Variants in C3orf22 observed in about 807,000 individuals in gnomAD.
The protein encoded by C3orf22 is chromosome 3 open reading frame 22.
Under a neutral mutation model 10.8 loss-of-function variants are expected in C3orf22, and 7 were observed. That is an observed-to-expected ratio of 0.65 (90% CI 0.37 to 1.22). The LOEUF (loss-of-function observed/expected upper bound fraction) is 1.22, where lower values mean the gene tolerates loss of function less well. Ranked by LOEUF, C3orf22 falls within the 50% of genes most tolerant of loss-of-function variation. The probability of loss-of-function intolerance (pLI) is 0.02; values close to 1 mark genes in which losing one functional copy is unlikely to be tolerated. For synonymous variants in C3orf22, 79 were observed against 78.9 expected (o/e 1.00, Z 0.00); for missense variants, 173 against 177.0 (o/e 0.98, Z 0.13).
chr3:126,528,159 A>T (rs1032182872), intron 5 of C3orf22, among the ~76,000 whole-genome samples: 2 of 151,574 alleles, frequency 1.3e-5, no homozygotes, highest in African/African-American at 4.9e-5. Flanking sequence ...TGGGTCCTTG[A>T]GAGAGAATGG....
chr3:126,551,999 T>A lies in C3orf22; in HGVS notation c.213A>T (p.Arg71=). 1.2e-6 allele frequency: 2 copies of A among 1,608,604 alleles called. No homozygotes were observed. Among genetic ancestry groups the A allele is most frequent in the African/African-American group, 1.3e-5 (1 of 74,750 alleles). Residue 71 remains arginine (R), a splice_region_variant and synonymous_variant, in exon 3 of 4, where the codon CGA becomes CGT. Coordinates refer to ENST00000318225, the MANE Select transcript of C3orf22 (RefSeq NM_152533.3). ...RLVPTRSIPV[R]GLGAPDFTSP... ...GTGGCATCAGGGCAGGGACTTACCC[T>A]CGGACTGGGATGGACCTCGTTGGCA...
intron 4 of C3orf22, among the ~76,000 whole-genome samples, chr3:126,539,473 G>GCA (rs761229262): frequency 9.3e-5 from 13 of 140,390 alleles, no homozygotes; most frequent in African/African-American, 1.6e-4. Context: ...CACACACACT[G>GCA]CACACACACA....
intron 4 of C3orf22, among the ~76,000 whole-genome samples, chr3:126,538,297 T>C (rs961522915): frequency 1.3e-5 from 2 of 152,202 alleles, no homozygotes; most frequent in African/African-American, 2.4e-5. Context: ...CTCCTGACTA[T>C]AAGAGGACTG....
At chr3:126,557,395 G>C (rs556115348) in intron 1 of C3orf22, among the ~76,000 whole-genome samples, 1 of 152,240 alleles carries the variant, frequency 6.6e-6, no homozygotes, top group African/African-American at 2.4e-5. Context: ...TGGGGAACAC[G>C]GGTAGCCCTT....
chr3:126,539,850 CA>C (rs1560142655), intron 4 of C3orf22, among the ~76,000 whole-genome samples: 7 of 1,520 alleles, frequency 4.6e-3, no homozygotes, highest in Admixed American at 9.8e-3. Context: ...ACACACATCA[CA>C]CACACACACC....
At chr3:126,536,800 A>T (rs1382830398) in intron 4 of C3orf22, among the ~76,000 whole-genome samples, 1 of 151,402 alleles carries the variant, frequency 6.6e-6, no homozygotes, top group African/African-American at 2.4e-5. Context: ...GCCTGCAGGG[A>T]CCACACACAA....
At chr3:126,540,514 G>C (rs565694598) in intron 4 of C3orf22, among the ~76,000 whole-genome samples, 9 of 152,134 alleles carry the variant, frequency 5.9e-5, no homozygotes, top group Non-Finnish European at 1.3e-4. Flanking sequence ...TGTACTATTC[G>C]CTTGGCATAA....
At chr3:126,543,706 G>C (rs188757684) in intron 4 of C3orf22, among the ~76,000 whole-genome samples, 18 of 151,486 alleles carry the variant, frequency 1.2e-4, no homozygotes, top group African/African-American at 4.4e-4. Flanking sequence ...GTATATGAGT[G>C]TAAGAGTGTG....
At chr3:126,535,527 C>T (rs1181708379) in intron 4 of C3orf22, among the ~76,000 whole-genome samples, 1 of 120,626 alleles carries the variant, frequency 8.3e-6, no homozygotes, top group Non-Finnish European at 1.7e-5. Context: ...AGCCGGGAGA[C>T]ACACAGACAG....
chr3:126,527,629 G>T (rs578205953), exon 6 of C3orf22: 1 of 152,356 alleles, frequency 6.6e-6, no homozygotes, highest in Non-Finnish European at 1.5e-5. Context: ...TATCCCAGCA[G>T]GTGGTGGAGG....
downstream of C3orf22, among the ~76,000 whole-genome samples, chr3:126,545,566 G>T (rs1023390082): frequency 1.3e-5 from 2 of 152,232 alleles, no homozygotes; most frequent in African/African-American, 2.4e-5. Context: ...ACAGCGAGAT[G>T]TAATGCATTA....
At chr3:126,529,989 C>T (rs1317816718) in intron 4 of C3orf22, among the ~76,000 whole-genome samples, 2 of 152,354 alleles carry the variant, frequency 1.3e-5, no homozygotes, top group East Asian at 3.9e-4. Context: ...GTACAGAGGA[C>T]ACAGACAAGG....
chr3:126,534,711 C>T (rs112742269), intron 4 of C3orf22, among the ~76,000 whole-genome samples: 24 of 145,622 alleles, frequency 1.6e-4, no homozygotes, highest in African/African-American at 5.7e-4. Flanking sequence ...TGTCCTCAGC[C>T]GGGAGACAGA....
Position 126,542,124 on chromosome 3 carries a change from C to T in C3orf22, c.286+7413G>A. On this transcript the variant is annotated intron_variant and NMD_transcript_variant, in intron 4 of 5. Transcript: ENST00000505070. ...GCTTACCGCAACAAGCTCGCGCGCCCCTACAGCGCCGCCTTCCAGAGGCGC... is the reference window on the plus strand; with the variant it reads ...GCTTACCGCAACAAGCTCGCGCGCCTCTACAGCGCCGCCTTCCAGAGGCGC... 2.5e-6 allele frequency: 4 copies of T among 1,571,116 alleles called. No homozygotes were observed. Among genetic ancestry groups the T allele is most frequent in the Non-Finnish European group, 3.4e-6 (4 of 1,163,302 alleles).
At chr3:126,553,227 G>A (rs1937241355) in intron 2 of C3orf22, 75 bp downstream of exon 2, 1 of 1,019,440 alleles carries the variant, frequency 9.8e-7, no homozygotes, top group Non-Finnish European at 1.6e-6. Context: ...CCCACAGAAT[G>A]CATTTGAGTT....
At chr3:126,551,590 T>C (rs114227415) in intron 3 of C3orf22, among the ~76,000 whole-genome samples, 1,702 of 152,034 alleles carry the variant, frequency 0.011, 11 homozygotes, top group African/African-American at 0.023. Flanking sequence ...AGTGCAGAGG[T>C]CCCTGCCAGG....
chr3:126,547,104 C>T (rs908787048), downstream of C3orf22, among the ~76,000 whole-genome samples: 4 of 152,200 alleles, frequency 2.6e-5, no homozygotes, highest in Admixed American at 2.0e-4. Flanking sequence ...CAATGCACCT[C>T]CACCGTGCCT....
chr3:126,535,181 C>T (rs1175884785), intron 4 of C3orf22, among the ~76,000 whole-genome samples: 1 of 150,800 alleles, frequency 6.6e-6, no homozygotes, highest in African/African-American at 2.4e-5. Flanking sequence ...TCCCTGTCCC[C>T]AGCCGGGAGA....
At chr3:126,550,702 C>T (rs1164256939) in intron 3 of C3orf22, among the ~76,000 whole-genome samples, 1 of 152,214 alleles carries the variant, frequency 6.6e-6, no homozygotes, top group Non-Finnish European at 1.5e-5. Flanking sequence ...GATGTGGAAA[C>T]CCACCAATGC....
Sources: gnomAD v4.1 joint callset for allele counts (sites outside exome capture counted in the v4.1 genomes callset) on GRCh38, gnomAD v4.1.1 for gene constraint, MANE v1.5 for transcripts, NCBI Gene and HGNC (gene_info 2026-07-23, HGNC 2026-07-21) for gene names.